Variants in NRG3 observed in about 807,000 individuals in gnomAD.
The protein encoded by NRG3 is pro-neuregulin-3, membrane-bound isoform.
NRG3 carries 31 observed loss-of-function variants against 66.9 expected under a neutral mutation model. That is an observed-to-expected ratio of 0.46 (90% CI 0.35 to 0.63). NRG3 has a LOEUF of 0.63. Among genes scored for constraint, NRG3 ranks in the 20% least tolerant of loss-of-function variants. NRG3 has a pLI of 0.00. For missense variants in NRG3, 910 were observed against 878.9 expected (o/e 1.04, Z -0.45); for synonymous variants, 393 against 359.4 (o/e 1.09, Z -1.06).
At chr10:82,644,301 T>A (rs1022172674) in intron 2 of NRG3, among the ~76,000 whole-genome samples, 9 of 152,256 alleles carry the variant, frequency 5.9e-5, no homozygotes, top group African/African-American at 1.9e-4. Context: ...TCTATCTGCA[T>A]AGGTGATGAT....
At chr10:82,431,123 C>A (rs544251623) in intron 2 of NRG3, among the ~76,000 whole-genome samples, 14 of 152,204 alleles carry the variant, frequency 9.2e-5, no homozygotes, top group African/African-American at 3.1e-4. Flanking sequence ...CTATGAAAAA[C>A]AATTGCCTCC....
At chr10:82,595,766 A>T (rs894638319) in intron 2 of NRG3, among the ~76,000 whole-genome samples, 1 of 151,868 alleles carries the variant, frequency 6.6e-6, no homozygotes, top group Non-Finnish European at 1.5e-5. Context: ...GTCTGGTGAC[A>T]GAGTGAGACT....
rs558828340 is a variant in NRG3, at chr10:81,934,030, A to T, written c.823+57867A>T. ...TTTGGATATTGTTTAAACCAGTTTA[A>T]TTTTATATAATTTATTTCATGAGCT... On this transcript the variant is annotated intron_variant, in intron 1 of 8. Coordinates refer to ENST00000372141, the MANE Select transcript of NRG3 (RefSeq NM_001010848.4). Among the ~76,000 whole-genome samples the T allele has an allele frequency of 7.2e-5, 11 of 152,300 alleles. No homozygotes were observed. The South Asian group carries it at 2.3e-3, about 32-fold the overall frequency.
At chr10:82,469,670 T>A (rs951807948) in intron 2 of NRG3, among the ~76,000 whole-genome samples, 1 of 152,184 alleles carries the variant, frequency 6.6e-6, no homozygotes, top group African/African-American at 2.4e-5. Context: ...GGAGCCAAGC[T>A]ATTCCTCTGG....
At chr10:82,761,239 A>G (rs146970229) in intron 3 of NRG3, among the ~76,000 whole-genome samples, 131 of 152,204 alleles carry the variant, frequency 8.6e-4, no homozygotes, top group Non-Finnish European at 2.2e-4. Context: ...GGCTTATCTA[A>G]AAACACAATA....
At chr10:82,420,116 T>C (rs191059781) in intron 2 of NRG3, among the ~76,000 whole-genome samples, 1 of 152,278 alleles carries the variant, frequency 6.6e-6, no homozygotes, top group African/African-American at 2.4e-5. Flanking sequence ...CCTTTTGAAA[T>C]ATCTGGCTGC....
intron 4 of NRG3, among the ~76,000 whole-genome samples, chr10:82,941,706 G>A (rs543095601): frequency 1.9e-3 from 288 of 152,294 alleles, no homozygotes; most frequent in Non-Finnish European, 2.6e-3. Context: ...TAGGCAGGGA[G>A]AAATGCTGGA....
chr10:81,967,395 T>G (rs2059771185), intron 1 of NRG3, among the ~76,000 whole-genome samples: 1 of 152,116 alleles, frequency 6.6e-6, no homozygotes, highest in Non-Finnish European at 1.5e-5. Context: ...TGAATGGGAC[T>G]TTTTGTTAAC....
At chr10:82,540,101 TAGG>T (rs2043433896) in intron 2 of NRG3, among the ~76,000 whole-genome samples, 1 of 151,426 alleles carries the variant, frequency 6.6e-6, no homozygotes, top group Non-Finnish European at 1.5e-5. Context: ...AACTTGGCAG[TAGG>T]AGAAGTGGAC....
intron 3 of NRG3, among the ~76,000 whole-genome samples, chr10:82,758,108 G>A (rs964776208): frequency 6.6e-6 from 1 of 152,040 alleles, no homozygotes; most frequent in African/African-American, 2.4e-5. Flanking sequence ...CTACAGTTGA[G>A]GTAGAAGAGA....
chr10:82,552,674 T>G (rs1344200060), intron 2 of NRG3, among the ~76,000 whole-genome samples: 1 of 152,178 alleles, frequency 6.6e-6, no homozygotes, highest in Non-Finnish European at 1.5e-5. Context: ...GCTGCATTTA[T>G]TATGGTACAA....
chr10:82,501,637 C>G (rs979121359), intron 2 of NRG3, among the ~76,000 whole-genome samples: 1 of 152,134 alleles, frequency 6.6e-6, no homozygotes, highest in African/African-American at 2.4e-5. Context: ...AGGCTATTCT[C>G]TCTAAAATAT....
chr10:81,897,014 A>AT, intron 1 of NRG3, among the ~76,000 whole-genome samples: 1 of 152,312 alleles, frequency 6.6e-6, no homozygotes, highest in Non-Finnish European at 1.5e-5. Context: ...AAAAGTTTGA[A>AT]TTTATATAGG....
At position 82,442,861 on chromosome 10, in the gene NRG3, G is replaced by C. The variant is rs574217070; in HGVS notation, c.953+83993G>C. 3.8e-5 allele frequency among the ~76,000 whole-genome samples: 5 copies of C among 132,174 alleles called. No homozygotes were observed. In the South Asian group the frequency reaches 1.2e-3, roughly 32 times the overall value. The allele number at this position is 132,174 out of a possible 152,430, so 86.7% of individuals were successfully genotyped here. A position where few individuals can be genotyped will look rare whatever the true frequency, so the allele number is the denominator to read the frequency against. On this transcript the variant is annotated intron_variant, in intron 2 of 8. Coordinates refer to ENST00000372141, the MANE Select transcript of NRG3 (RefSeq NM_001010848.4). ...GGAGGCAGGTGCATAGAAGTCACTT[G>C]GAAGTGACTTCTAACAGGCCTGTTA...
intron 4 of NRG3, among the ~76,000 whole-genome samples, chr10:82,885,088 T>C (rs1365763327): frequency 6.6e-6 from 1 of 152,248 alleles, no homozygotes; most frequent in Non-Finnish European, 1.5e-5. Flanking sequence ...CTTGATGTTA[T>C]AATAGGAAAA....
chr10:82,826,142 A>G (rs1470695942), intron 3 of NRG3, among the ~76,000 whole-genome samples: 1 of 151,904 alleles, frequency 6.6e-6, no homozygotes, highest in Admixed American at 6.6e-5. Context: ...AAGCTTTGTC[A>G]AGCATTAGGA....
chr10:82,862,866 A>C (rs1224849178), intron 3 of NRG3, among the ~76,000 whole-genome samples: 2 of 152,078 alleles, frequency 1.3e-5, no homozygotes, highest in Non-Finnish European at 2.9e-5. Flanking sequence ...ATTTTACTTT[A>C]AGTTCTGGGA....
intron 7 of NRG3, 146 bp downstream of exon 7, chr10:82,974,061 C>T: frequency 1.2e-6 from 1 of 849,956 alleles, no homozygotes; most frequent in Admixed American, 2.7e-5. Context: ...TGCTCAAACA[C>T]CTCACATCAG....
At chr10:82,818,475 A>G (rs1177506254) in intron 3 of NRG3, among the ~76,000 whole-genome samples, 1 of 152,142 alleles carries the variant, frequency 6.6e-6, no homozygotes, top group African/African-American at 2.4e-5. Flanking sequence ...GAAAAAAGAA[A>G]GGTTTTCTTC....
Sources: allele counts gnomAD v4.1 joint callset (sites outside exome capture counted in the v4.1 genomes callset), GRCh38; gene constraint gnomAD v4.1.1; transcripts MANE v1.5; gene names NCBI Gene and HGNC (gene_info 2026-07-23, HGNC 2026-07-21).